Variants in HTR4 observed in about 807,000 individuals in gnomAD.
The protein encoded by HTR4 is 5-hydroxytryptamine receptor 4.
In HTR4, 16 loss-of-function variants were observed where a neutral mutation model predicts 36.8. That is an observed-to-expected ratio of 0.43 (90% confidence interval 0.29 to 0.66). The LOEUF is 0.66. HTR4 is among the 30% of genes least tolerant of loss of function. The probability of loss-of-function intolerance (pLI) is 0.13; values close to 1 mark genes in which losing one functional copy is unlikely to be tolerated. For missense variants in HTR4, 438 were observed against 490.9 expected (o/e 0.89, Z 1.02); for synonymous variants, 189 against 185.1 (o/e 1.02, Z -0.17).
chr5:148,506,597 T>C (rs1757228860), intron 6 of HTR4, among the ~76,000 whole-genome samples: 1 of 152,022 alleles, frequency 6.6e-6, no homozygotes, highest in African/African-American at 2.4e-5. Flanking sequence ...ACCTACAGAA[T>C]GGGAGAAAAT....
intron 2 of HTR4, among the ~76,000 whole-genome samples, chr5:148,565,015 C>A (rs553935849): frequency 2.7e-4 from 40 of 150,614 alleles, no homozygotes; most frequent in Non-Finnish European, 3.1e-4. Context: ...GAGGTTGAGG[C>A]AGGAGAATCA....
downstream of HTR4, among the ~76,000 whole-genome samples, chr5:148,478,136 G>A (rs779070625): frequency 2.2e-4 from 33 of 152,074 alleles, no homozygotes; most frequent in Admixed American, 1.8e-3. Context: ...CCTCATAGTC[G>A]GTGTTCAGAA....
At chr5:148,468,923 C>T (rs1201367835) in intron 5 of HTR4, among the ~76,000 whole-genome samples, 3 of 152,010 alleles carry the variant, frequency 2.0e-5, no homozygotes, top group Non-Finnish European at 2.9e-5. Flanking sequence ...TTGCTAGGGA[C>T]TTCTGCTTGC....
chr5:148,586,253 TGTTA>T (rs1443263911), intron 2 of HTR4, among the ~76,000 whole-genome samples: 1 of 152,124 alleles, frequency 6.6e-6, no homozygotes, highest in Non-Finnish European at 1.5e-5. Context: ...TGGGTGATGC[TGTTA>T]GCTCTAGAAT....
At chr5:148,605,754 A>C (rs904781122) in intron 2 of HTR4, among the ~76,000 whole-genome samples, 3 of 152,166 alleles carry the variant, frequency 2.0e-5, no homozygotes, top group African/African-American at 7.2e-5. Context: ...ATTTAAAAAA[A>C]AAAAAAATCG....
intron 6 of HTR4, among the ~76,000 whole-genome samples, chr5:148,491,509 G>A (rs1224062309): frequency 1.3e-5 from 2 of 152,042 alleles, no homozygotes; most frequent in Admixed American, 6.6e-5. Flanking sequence ...GGCACTATCT[G>A]GAAATCTGGG....
At chr5:148,644,644 T>C (rs1455969950) in intron 1 of HTR4, 1 of 152,038 alleles carries the variant, frequency 6.6e-6, no homozygotes, top group Non-Finnish European at 1.5e-5. Context: ...AGGGAAGCTT[T>C]GGGAAATGGT....
intron 6 of HTR4, among the ~76,000 whole-genome samples, chr5:148,500,589 G>A (rs529382801): frequency 7.2e-5 from 11 of 151,790 alleles, no homozygotes; most frequent in Non-Finnish European, 1.6e-4. Flanking sequence ...CAGGAGATGG[G>A]GAGGTGTATT....
intron 5 of HTR4, among the ~76,000 whole-genome samples, chr5:148,518,164 T>C (rs926592726): frequency 1.3e-5 from 2 of 152,128 alleles, no homozygotes; most frequent in African/African-American, 4.8e-5. Flanking sequence ...AATATTACAA[T>C]CTGCTATCCG....
intron 1 of HTR4, among the ~76,000 whole-genome samples, chr5:148,641,948 C>T (rs1052994145): frequency 1.3e-5 from 2 of 152,150 alleles, no homozygotes; most frequent in African/African-American, 4.8e-5. Context: ...AATGAAATAT[C>T]GATGTAGTCT....
At chr5:148,490,389 C>T (rs1756363586) in intron 6 of HTR4, among the ~76,000 whole-genome samples, 1 of 151,866 alleles carries the variant, frequency 6.6e-6, no homozygotes, top group Non-Finnish European at 1.5e-5. Context: ...AGAATGGCCC[C>T]CTAAAATTGA....
chr5:148,591,128 C>T (rs1761551574), intron 2 of HTR4, among the ~76,000 whole-genome samples: 1 of 152,164 alleles, frequency 6.6e-6, no homozygotes, highest in South Asian at 2.1e-4. Flanking sequence ...TGTCAAATAT[C>T]ATATGGTCAT....
At chr5:148,452,625 T>G (rs1755000588) in intron 5 of HTR4, among the ~76,000 whole-genome samples, 1 of 152,142 alleles carries the variant, frequency 6.6e-6, no homozygotes, top group Non-Finnish European at 1.5e-5. Flanking sequence ...CTAGTCCCTT[T>G]AGCTGGCTAG....
chr5:148,642,029 G>T lies in HTR4; in HGVS notation c.-47-4968C>A, dbSNP rs561419562. Among the ~76,000 whole-genome samples the T allele has an allele frequency of 1.4e-4, 22 of 152,248 alleles. No individual in the cohort carries two copies. The East Asian group carries it at 3.5e-3, about 24-fold the overall frequency. ...GGCTTGCTTTGCTCCACTTTGTTTT[G>T]TTTTCTCTGGTTTTGGTTGCATGGA... On this transcript the variant is annotated intron_variant, in intron 1 of 6. Coordinates refer to ENST00000377888, the MANE Select transcript of HTR4 (RefSeq NM_000870.7).
chr5:148,513,300 T>C (rs1757582944), intron 5 of HTR4, among the ~76,000 whole-genome samples: 1 of 152,226 alleles, frequency 6.6e-6, no homozygotes, highest in Non-Finnish European at 1.5e-5. Flanking sequence ...AGTTTTTACA[T>C]TTAATGCTTC....
intron 2 of HTR4, among the ~76,000 whole-genome samples, chr5:148,625,733 A>C (rs1753079290): frequency 6.6e-6 from 1 of 152,154 alleles, no homozygotes; most frequent in South Asian, 2.1e-4. Context: ...GGTGCACGCC[A>C]TAACACCCAG....
At chr5:148,502,500 G>A (rs563457375) in intron 6 of HTR4, among the ~76,000 whole-genome samples, 6 of 152,208 alleles carry the variant, frequency 3.9e-5, no homozygotes, top group South Asian at 4.2e-4. Context: ...CCATCTGTAC[G>A]TCACTATGAT....
chr5:148,585,621 C>T (rs1415220291), intron 2 of HTR4, among the ~76,000 whole-genome samples: 3 of 152,064 alleles, frequency 2.0e-5, no homozygotes, highest in Non-Finnish European at 4.4e-5. Flanking sequence ...GAAACTGAAG[C>T]CCAGAGATGT....
At chr5:148,491,576 C>A (rs10069956) in intron 6 of HTR4, among the ~76,000 whole-genome samples, 69,860 of 151,524 alleles carry the variant, frequency 0.46, 16,625 homozygotes, top group African/African-American at 0.59. Context: ...TTAGCAGCGT[C>A]CCTGGCCTCC....
Sources: allele counts gnomAD v4.1 joint callset (sites outside exome capture counted in the v4.1 genomes callset), GRCh38; gene constraint gnomAD v4.1.1; transcripts MANE v1.5; gene names NCBI Gene and HGNC (gene_info 2026-07-23, HGNC 2026-07-21).